Variants in EML4 observed in about 807,000 individuals in gnomAD.
EML4 encodes the protein echinoderm microtubule-associated protein-like 4.
EML4 carries 72 observed loss-of-function variants against 129.0 expected under a neutral mutation model. The ratio of observed to expected loss-of-function variants is 0.56; its 90% confidence interval spans 0.46 to 0.68. The LOEUF is 0.68. Ranked by LOEUF, EML4 falls within the 30% of genes least tolerant of loss-of-function variation. The pLI is 0.00. For missense variants in EML4, 1,363 were observed against 1,190.6 expected, an observed-to-expected ratio of 1.14 and a Z score of -2.13; for synonymous variants, 532 against 405.0, an observed-to-expected ratio of 1.31 and a Z score of -3.77.
intron 1 of EML4, among the ~76,000 whole-genome samples, chr2:42,235,034 G>A (rs570046032): frequency 6.4e-4 from 98 of 152,206 alleles, no homozygotes; most frequent in African/African-American, 2.0e-3. Flanking sequence ...GGTGGCTCAT[G>A]CCTGTAATCC....
intron 1 of EML4, among the ~76,000 whole-genome samples, chr2:42,216,230 C>CCTTTTT (rs1673177607): frequency 2.3e-5 from 1 of 43,356 alleles, no homozygotes; most frequent in African/African-American, 1.3e-4. Context: ...CGGCCCACTT[C>CCTTTTT]TTTTTTTTTT....
Position 42,330,579 on chromosome 2 carries a change from C to G in EML4, c.*372C>G. ...TTTCTTCAGGAACAACCAGAGGTAT[C>G]ACAAACACTGTTACTCATCTACTGG... On this transcript the variant is annotated 3_prime_UTR_variant, in exon 23 of 23. Transcript: ENST00000318522. The G allele has an allele frequency of 2.4e-6, 1 of 411,066 alleles. No homozygotes were observed. Among genetic ancestry groups the G allele is most frequent in the Non-Finnish European group, 4.6e-6 (1 of 218,070 alleles). 25.5% of individuals were successfully genotyped at this position (411,066 alleles called of 1,614,324 possible).
At chr2:42,227,580 C>G (rs1211327408) in intron 1 of EML4, among the ~76,000 whole-genome samples, 1 of 151,252 alleles carries the variant, frequency 6.6e-6, no homozygotes, top group Non-Finnish European at 1.5e-5. Flanking sequence ...TATATATGCC[C>G]TTCAAATACA....
chr2:42,192,293 G>T (rs369004613), intron 1 of EML4, among the ~76,000 whole-genome samples: 1 of 149,534 alleles, frequency 6.7e-6, no homozygotes, highest in East Asian at 2.0e-4. Context: ...CTGGAGTACA[G>T]TGGCACAATC....
chr2:42,276,154 A>G (rs1666644426), intron 6 of EML4, among the ~76,000 whole-genome samples: 1 of 152,126 alleles, frequency 6.6e-6, no homozygotes, highest in South Asian at 2.1e-4. Flanking sequence ...GTGTCTTCCT[A>G]AAAGAAGAGG....
chr2:42,188,005 T>C (rs1291960423), intron 1 of EML4, among the ~76,000 whole-genome samples: 1 of 152,234 alleles, frequency 6.6e-6, no homozygotes, highest in African/African-American at 2.4e-5. Flanking sequence ...GAGTTAATTT[T>C]TGTATAGGGT....
At chr2:42,220,020 G>C (rs1278809555) in intron 1 of EML4, among the ~76,000 whole-genome samples, 3 of 151,898 alleles carry the variant, frequency 2.0e-5, no homozygotes, top group Non-Finnish European at 4.4e-5. Context: ...GTTTGGGTAG[G>C]GGAGTATGTC....
At chr2:42,258,032 C>T (rs1012213714) in intron 3 of EML4, among the ~76,000 whole-genome samples, 1 of 152,106 alleles carries the variant, frequency 6.6e-6, no homozygotes, top group African/African-American at 2.4e-5. Context: ...AGTAGTGGTT[C>T]AGATTCAGCC....
intron 17 of EML4, among the ~76,000 whole-genome samples, chr2:42,307,283 A>T (rs1025682779): frequency 2.6e-5 from 4 of 152,238 alleles, no homozygotes; most frequent in African/African-American, 9.6e-5. Context: ...AAGTCACTCA[A>T]TTTTAGTGAC....
At chr2:42,188,366 G>T (rs1671385890) in intron 1 of EML4, among the ~76,000 whole-genome samples, 1 of 152,020 alleles carries the variant, frequency 6.6e-6, no homozygotes, top group Admixed American at 6.6e-5. Context: ...GACTACAGGT[G>T]CACACCACCA....
chr2:42,273,470 T>TA (rs1666485687), intron 6 of EML4, among the ~76,000 whole-genome samples: 2 of 152,190 alleles, frequency 1.3e-5, no homozygotes, highest in South Asian at 4.1e-4. Flanking sequence ...AGAAGGTGGG[T>TA]AACTGTAAGT....
chr2:42,198,947 T>C (rs1228088203), intron 1 of EML4, among the ~76,000 whole-genome samples: 1 of 151,610 alleles, frequency 6.6e-6, no homozygotes, highest in Non-Finnish European at 1.5e-5. Context: ...CAAAGGAGAG[T>C]GGTTTGGGAA....
At chr2:42,301,764 A>G (rs976003767) in intron 14 of EML4, among the ~76,000 whole-genome samples, 1 of 152,090 alleles carries the variant, frequency 6.6e-6, no homozygotes, top group Admixed American at 6.5e-5. Flanking sequence ...CCTCTTAAAA[A>G]GAGGATCCTG....
At chr2:42,283,120 G>A in intron 8 of EML4, 148 bp downstream of exon 8, 3 of 778,458 alleles carry the variant, frequency 3.9e-6, no homozygotes, top group African/African-American at 1.8e-5. Flanking sequence ...ATTTTAAAAA[G>A]AAAAAAAGGA....
intron 7 of EML4, among the ~76,000 whole-genome samples, chr2:42,281,392 C>G (rs1382785546): frequency 2.0e-5 from 2 of 101,342 alleles, no homozygotes; most frequent in Non-Finnish European, 3.9e-5. Context: ...AACTCTGTCT[C>G]AAAAGAAAAA....
chr2:42,326,027 T>C, intron 20 of EML4, 127 bp from the exon 21 acceptor site: 1 of 1,225,740 alleles, frequency 8.2e-7, no homozygotes. Flanking sequence ...TTTTTAAATG[T>C]GTCTTAATGT....
intron 4 of EML4, among the ~76,000 whole-genome samples, chr2:42,262,308 A>C (rs1665781138): frequency 1.3e-5 from 2 of 152,072 alleles, no homozygotes; most frequent in African/African-American, 2.4e-5. Flanking sequence ...ATTCTTACCC[A>C]ATCTAAATGG....
chr2:42,239,799 A>C (rs1000914503), intron 1 of EML4, among the ~76,000 whole-genome samples: 1 of 152,140 alleles, frequency 6.6e-6, no homozygotes, highest in African/African-American at 2.4e-5. Context: ...AAAATGATCT[A>C]ATCTACTTGA....
At chr2:42,214,722 A>G (rs1673080949) in intron 1 of EML4, among the ~76,000 whole-genome samples, 1 of 151,920 alleles carries the variant, frequency 6.6e-6, no homozygotes, top group South Asian at 2.1e-4. Context: ...CTGGTGCGTT[A>G]GCCGGGATGG....
Sources: gnomAD v4.1 joint callset for allele counts (sites outside exome capture counted in the v4.1 genomes callset) on GRCh38, gnomAD v4.1.1 for gene constraint, MANE v1.5 for transcripts, NCBI Gene and HGNC (gene_info 2026-07-23, HGNC 2026-07-21) for gene names.